PPFIA4: variants seen among roughly 807,000 people sequenced by gnomAD.
PPFIA4 encodes the protein PPFI scaffold protein A4.
PPFIA4 carries 98 observed loss-of-function variants against 145.7 expected under a neutral mutation model. That is an observed-to-expected ratio of 0.67 (90% confidence interval 0.57 to 0.80). PPFIA4 has a LOEUF of 0.80. Ranked by LOEUF, PPFIA4 falls within the 30% of genes least tolerant of loss-of-function variation. The pLI, the probability that PPFIA4 is intolerant of heterozygous loss-of-function variation, is 0.00. For missense variants in PPFIA4, 1,457 were observed against 1,632.7 expected, an observed-to-expected ratio of 0.89 and a Z score of 1.85; for synonymous variants, 628 against 649.6, an observed-to-expected ratio of 0.97 and a Z score of 0.51.
chr1:203,034,601 G>C (rs1419111737), intron 1 of PPFIA4: 5 of 456,492 alleles, frequency 1.1e-5, no homozygotes, highest in African/African-American at 4.0e-5. Context: ...TGTGGAGCCA[G>C]CTAGGGGCTG....
At chr1:203,033,571 T>C (rs1207002613) in intron 1 of PPFIA4, among the ~76,000 whole-genome samples, 1 of 152,030 alleles carries the variant, frequency 6.6e-6, no homozygotes, top group Non-Finnish European at 1.5e-5. Flanking sequence ...TTCACAGAGG[T>C]TGGGGAATGG....
chr1:203,070,585 CA>C (rs571325182), intron 27 of PPFIA4, among the ~76,000 whole-genome samples: 2,011 of 77,530 alleles, frequency 0.026, 32 homozygotes, highest in African/African-American at 0.086. Context: ...CTGTCTCCCT[CA>C]AAAAAAAAAA....
chr1:203,053,885 C>T lies in PPFIA4; in HGVS notation c.1753C>T (p.Pro585Ser), dbSNP rs199676790. The T allele has an allele frequency of 6.4e-7, 1 of 1,562,754 alleles. No homozygotes were observed. The highest frequency in any genetic ancestry group is 8.7e-7 in the Non-Finnish European group (1 of 1,153,000). ...GLVGSADVVS[P>S]SGHSDAQTLA... ...GGTGGGCTCTGCGGATGTTGTCTCC[C>T]CCAGCGGCCACTCAGATGCCCAGAC... is the stretch of plus-strand genomic sequence containing the variant. The change falls in exon 15 of 30, where the codon CCC becomes TCC. Residue 585 changes from proline (P) to serine (S), a missense_variant. Physicochemically the swap from Pro to Ser is moderately conservative, Grantham distance 74. Coordinates refer to ENST00000295706, the MANE Select transcript of PPFIA4 (RefSeq NM_001304331.2).
intron 27 of PPFIA4, among the ~76,000 whole-genome samples, chr1:203,069,937 C>T (rs1044211368): frequency 3.9e-5 from 6 of 152,180 alleles, no homozygotes; most frequent in Non-Finnish European, 8.8e-5. Context: ...GAAATTTACA[C>T]CTATCCTCCT....
chr1:203,065,166 A>G (rs1661645188), intron 25 of PPFIA4, among the ~76,000 whole-genome samples: 1 of 152,200 alleles, frequency 6.6e-6, no homozygotes, highest in African/African-American at 2.4e-5. Flanking sequence ...CTCAGGGATG[A>G]TAGCAGAGTA....
Position 203,065,137 on chromosome 1 carries a change from G to A in PPFIA4, c.3050+1134G>A, listed in dbSNP as rs372686344. Among the ~76,000 whole-genome samples, 18 of 152,280 alleles carry A rather than the reference G, an allele frequency of 1.2e-4. 2 individuals are homozygous for A. Among genetic ancestry groups the A allele is most frequent in the Admixed American group, 7.8e-4 (12 of 15,304 alleles). On this transcript the variant is annotated intron_variant, in intron 25 of 29. Transcript: ENST00000295706. Reference sequence around the variant, plus strand: ...GATGAGAACATTAAGGCATGGGGAGGAGCAGTAGCCCAAGGTCACTCAGGG... The same window carrying A: ...GATGAGAACATTAAGGCATGGGGAGAAGCAGTAGCCCAAGGTCACTCAGGG...
intron 13 of PPFIA4, among the ~76,000 whole-genome samples, chr1:203,050,984 C>T (rs1347268781): frequency 6.6e-6 from 1 of 151,798 alleles, no homozygotes; most frequent in Non-Finnish European, 1.5e-5. Flanking sequence ...GGGGAACATG[C>T]AGGAACTTCC....
In PPFIA4 at chr1:203,068,904, G is replaced by C. The variant is rs1273710230; in HGVS notation, c.3324+276G>C. ...AATGCGCATCCCCGTCCTGCCCTGG[G>C]TACCTCTATCTCCTCCTAACCCCAC... On this transcript the variant is annotated intron_variant, in intron 27 of 29. Coordinates refer to ENST00000295706, the MANE Select transcript of PPFIA4 (RefSeq NM_001304331.2). This position sits in a 1 kb window ranked among gnomAD's most constrained non-coding sequence, Gnocchi z 4.7. 6.6e-6 allele frequency among the ~76,000 whole-genome samples: 1 copy of C among 152,076 alleles called. No homozygotes were observed. The highest frequency in any genetic ancestry group is 1.5e-5 in the Non-Finnish European group (1 of 68,012).
At chr1:203,029,719 G>A (rs1658681206) in intron 1 of PPFIA4, among the ~76,000 whole-genome samples, 1 of 152,228 alleles carries the variant, frequency 6.6e-6, no homozygotes, top group Non-Finnish European at 1.5e-5. Context: ...GGACACTGGT[G>A]TTACATCCCT....
intron 7 of PPFIA4, 129 bp downstream of exon 7, chr1:203,045,688 A>C (rs889714636): frequency 6.9e-7 from 1 of 1,453,620 alleles, no homozygotes; most frequent in South Asian, 1.4e-5. Flanking sequence ...GGGGGCGGTC[A>C]TGGAAGGGGT....
intron 29 of PPFIA4, 123 bp from the exon 30 acceptor site, chr1:203,076,218 G>A (rs1211546037): frequency 1.8e-6 from 2 of 1,102,692 alleles, no homozygotes; most frequent in African/African-American, 1.5e-5. Context: ...GCTTCGTCTG[G>A]CCTGGGGCGC....
rs1168439418 is a variant in PPFIA4 at position 203,044,009 on chromosome 1, C to T, written c.415C>T (p.Gln139Ter). The change falls in exon 4 of 30, where the codon CAG (glutamine) becomes TAG (stop). Residue 139 changes from glutamine (Q) to a stop codon, truncating the protein, a stop_gained. Coordinates refer to ENST00000295706, the MANE Select transcript of PPFIA4 (RefSeq NM_001304331.2). LOFTEE classifies it high-confidence loss of function. ...GATGACTGTGGTGAAGCGCCAGGCC[C>T]AGTCACCTTCGGGGGTCTCCAGTGA... ...LRMTVVKRQA[Q>*]SPSGVSSEVE... 2 of 1,612,638 alleles carry T rather than the reference C, an allele frequency of 1.2e-6. No homozygotes were observed. The highest frequency in any genetic ancestry group is 2.2e-5 in the East Asian group (1 of 44,858).
At chr1:203,073,106 T>C (rs1662284168) in intron 28 of PPFIA4, among the ~76,000 whole-genome samples, 2 of 152,226 alleles carry the variant, frequency 1.3e-5, no homozygotes, top group Admixed American at 6.5e-5. Flanking sequence ...TTTGAATGCC[T>C]GCCCTGTGCC....
rs377432519 is a variant in PPFIA4, at chr1:203,060,405, C to T, written c.2772C>T (p.Pro924=). The change falls in exon 22 of 30, where the codon CCC becomes CCT. Residue 924 remains proline (P), a synonymous_variant. Transcript: ENST00000295706. This position sits in a 1 kb window ranked among gnomAD's most constrained non-coding sequence, Gnocchi z 4.8. Reference sequence around the variant, plus strand: ...CATTGACCAGCCCCTCTGCCCCACCCACCTCCAGGACTGTGAGTGGCCCCT... The same window carrying T: ...CATTGACCAGCCCCTCTGCCCCACCTACCTCCAGGACTGTGAGTGGCCCCT... ...MVSLTSPSAP[P]TSRTSSGNVW... 3 of 1,613,272 alleles carry T rather than the reference C, an allele frequency of 1.9e-6. No homozygotes were observed. In the African/African-American group the frequency reaches 4.0e-5, roughly 22 times the overall value.
Position 203,038,821 on chromosome 1 carries a change from G to A in PPFIA4, c.-188G>A. 4.0e-6 allele frequency: 2 copies of A among 505,770 alleles called. No homozygotes were observed. Among genetic ancestry groups the A allele is most frequent in the Non-Finnish European group, 7.0e-6 (2 of 285,802 alleles). 31.3% of individuals were successfully genotyped at this position (505,770 alleles called of 1,614,324 possible). A position where few individuals can be genotyped will look rare whatever the true frequency, so the allele number is the denominator to read the frequency against. On this transcript the variant is annotated 5_prime_UTR_variant, in exon 2 of 30. Transcript: ENST00000295706. ...CAGGCCTTCTGGCTCAGTTCCACAG[G>A]GGCACTCCAGACCCCAGGCCCCTTT...
Position 203,048,515 on chromosome 1 carries a change from C to T in PPFIA4, c.1225-68C>T. 6.5e-7 allele frequency: 1 copy of T among 1,548,496 alleles called. No homozygotes were observed. Among genetic ancestry groups the T allele is most frequent in the Non-Finnish European group, 8.7e-7 (1 of 1,145,854 alleles). ...ATGAGAAGAGGACAGGGGAGGGAGT[C>T]AAACCCCAGCAGGAGAGGGTGGTCC... On this transcript the variant is annotated intron_variant, in intron 10 of 29. Transcript: ENST00000295706. This position sits in a 1 kb window ranked among gnomAD's most constrained non-coding sequence, Gnocchi z 5.8.
At chr1:203,045,638 T>C in intron 7 of PPFIA4, 79 bp downstream of exon 7, 1 of 1,474,592 alleles carries the variant, frequency 6.8e-7, no homozygotes. Context: ...CTCTGGGGCG[T>C]GAGACTGAAC....
intron 23 of PPFIA4, chr1:203,061,382 A>G: frequency 1.9e-6 from 1 of 516,528 alleles, no homozygotes; most frequent in Non-Finnish European, 3.4e-6. Flanking sequence ...AGGAATGGGG[A>G]GTGTTGGGAG....
chr1:203,040,245 CGTATGAGCAGAGAGATGG>C (rs1459622916), intron 2 of PPFIA4, among the ~76,000 whole-genome samples: 1 of 152,174 alleles, frequency 6.6e-6, no homozygotes. Flanking sequence ...CTCTGCCCCT[CGTATGAGCAGAGAGATGG>C]GTATTGAAAG....
Sources: allele counts gnomAD v4.1 joint callset (sites outside exome capture counted in the v4.1 genomes callset), GRCh38; gene constraint gnomAD v4.1.1; non-coding constraint Gnocchi (gnomAD v3.1); transcripts MANE v1.5; gene names NCBI Gene and HGNC (gene_info 2026-07-23, HGNC 2026-07-21).